Variants in SYT16 observed in about 807,000 individuals in gnomAD.
SYT16 encodes the protein synaptotagmin 16.
A neutral mutation model predicts 61.4 loss-of-function variants in SYT16; 42 were observed. The ratio of observed to expected loss-of-function variants is 0.68; its 90% CI spans 0.53 to 0.89. The LOEUF is 0.89. Among genes scored for constraint, SYT16 ranks in the 40% least tolerant of loss-of-function variants. The pLI is 0.00. For synonymous variants in SYT16, 314 were observed against 302.3 expected (o/e 1.04, Z -0.40); for missense variants, 804 against 807.3 (o/e 1.00, Z 0.05).
At chr14:61,863,618 A>T (rs556658623) in intron 1 of SYT16, among the ~76,000 whole-genome samples, 1 of 152,258 alleles carries the variant, frequency 6.6e-6, no homozygotes, top group Non-Finnish European at 1.5e-5. Context: ...TAATTTTAAT[A>T]AAGTCCAACT....
In SYT16 at chr14:62,103,387, G is replaced by A. The variant is rs2057456859; in HGVS notation, c.*2680G>A. On this transcript the variant is annotated 3_prime_UTR_variant, in exon 8 of 8. Coordinates refer to ENST00000683842, the MANE Select transcript of SYT16 (RefSeq NM_001367656.1). ...GAAGCAGCACTGGTTTTTGTTGCTT[G>A]AGTAGGTCTTTCAGCGATTTTGCCT... The A allele has an allele frequency of 6.6e-6, 1 of 152,208 alleles. No individual in the cohort carries two copies. Among genetic ancestry groups the A allele is most frequent in the African/African-American group, 2.4e-5 (1 of 41,452 alleles). The allele number at this position is 152,208 out of a possible 1,614,324, so 9.4% of individuals were successfully genotyped here.
intron 3 of SYT16, among the ~76,000 whole-genome samples, chr14:62,037,532 A>G (rs1334553312): frequency 6.6e-5 from 10 of 152,184 alleles, no homozygotes; most frequent in African/African-American, 2.4e-4. Context: ...TAAAACTGGA[A>G]TGTTTTTCTT....
At chr14:61,867,050 G>A (rs1047613566) in intron 1 of SYT16, among the ~76,000 whole-genome samples, 3 of 151,694 alleles carry the variant, frequency 2.0e-5, no homozygotes, top group Non-Finnish European at 2.9e-5. Context: ...TTCCTGAAAA[G>A]TATTTATATA....
At position 62,052,871 on chromosome 14, in the gene SYT16, C is replaced by T. The variant is rs76988285; in HGVS notation, c.524-16732C>T. On this transcript the variant is annotated intron_variant, in intron 3 of 7. Coordinates refer to ENST00000683842, the MANE Select transcript of SYT16 (RefSeq NM_001367656.1). Reference sequence around the variant, plus strand: ...CATCCCGATTTCAGATTTCTAGCCTCAAGAACTATAAGAAATAAATGTCTG... The same window carrying T: ...CATCCCGATTTCAGATTTCTAGCCTTAAGAACTATAAGAAATAAATGTCTG... 4.4e-3 allele frequency among the ~76,000 whole-genome samples: 677 copies of T among 152,338 alleles called. 5 individuals carry two copies. Among genetic ancestry groups the T allele is most frequent in the African/African-American group, 0.015 (638 of 41,568 alleles).
At chr14:62,041,106 G>T (rs914296862) in intron 3 of SYT16, among the ~76,000 whole-genome samples, 15 of 152,180 alleles carry the variant, frequency 9.9e-5, no homozygotes, top group African/African-American at 3.6e-4. Context: ...GAAAGATGTA[G>T]TCTGGGAGGC....
intron 4 of SYT16, among the ~76,000 whole-genome samples, chr14:62,072,650 C>T (rs2056341949): frequency 6.6e-6 from 1 of 152,162 alleles, no homozygotes; most frequent in Non-Finnish European, 1.5e-5. Context: ...AGGCTTTAAT[C>T]ACATCTATAA....
chr14:61,976,853 A>C (rs1364303689), intron 2 of SYT16, among the ~76,000 whole-genome samples: 1 of 152,020 alleles, frequency 6.6e-6, no homozygotes, highest in African/African-American at 2.4e-5. Context: ...AGCCAGCTTG[A>C]ATTTCTGCCC....
intron 3 of SYT16, among the ~76,000 whole-genome samples, chr14:62,032,276 T>C (rs2054336473): frequency 6.6e-6 from 1 of 152,156 alleles, no homozygotes; most frequent in Non-Finnish European, 1.5e-5. Context: ...TGTAGGATGC[T>C]ATTAAGGTAA....
chr14:62,032,450 A>G (rs1745882496), intron 3 of SYT16, among the ~76,000 whole-genome samples: 1 of 152,124 alleles, frequency 6.6e-6, no homozygotes, highest in African/African-American at 2.4e-5. Flanking sequence ...AAGCAGTGGC[A>G]ATTTTGAATC....
intron 2 of SYT16, among the ~76,000 whole-genome samples, chr14:61,982,135 G>C (rs1318111428): frequency 2.0e-5 from 3 of 152,108 alleles, no homozygotes; most frequent in Non-Finnish European, 2.9e-5. Flanking sequence ...TTCTATGTTT[G>C]AAATAGTCAT....
chr14:62,055,469 AC>A (rs1244407957), intron 3 of SYT16, among the ~76,000 whole-genome samples: 1 of 152,182 alleles, frequency 6.6e-6, no homozygotes, highest in African/African-American at 2.4e-5. Context: ...GAATCTGACT[AC>A]AGATATGAAT....
chr14:61,817,419 C>CAAA (rs58438991), intron 1 of SYT16, among the ~76,000 whole-genome samples: 1 of 82,584 alleles, frequency 1.2e-5, no homozygotes, highest in African/African-American at 4.2e-5. Context: ...ACTCCATCTC[C>CAAA]AAAAAAAAAA....
In SYT16 at chr14:61,995,535, C is replaced by CT. The variant is rs1310266179; in HGVS notation, c.-144-335dup. Among the ~76,000 whole-genome samples the CT allele has an allele frequency of 3.3e-5, 5 of 151,964 alleles. No homozygotes were observed. The South Asian group carries it at 6.2e-4, about 19-fold the overall frequency. On this transcript the variant is annotated intron_variant, in intron 2 of 7. Transcript: ENST00000683842. ...CAGGTTTGTAGATGAAACATCTGACCTTTTTTGCGTTTTGAAATGTCATGC... is the reference window on the plus strand; with the variant it reads ...CAGGTTTGTAGATGAAACATCTGACCTTTTTTTGCGTTTTGAAATGTCATGC...
chr14:61,940,414 C>A (rs1304913838), intron 1 of SYT16, among the ~76,000 whole-genome samples: 2 of 151,858 alleles, frequency 1.3e-5, no homozygotes, highest in East Asian at 1.9e-4. Flanking sequence ...TAAACAACAA[C>A]AAAAAAATCC....
intron 2 of SYT16, among the ~76,000 whole-genome samples, chr14:61,977,766 G>T (rs2051880845): frequency 6.6e-6 from 1 of 151,922 alleles, no homozygotes; most frequent in Admixed American, 6.5e-5. Context: ...AAACATCTGG[G>T]TTGAAAAAAA....
At chr14:61,890,648 A>G (rs977608678) in intron 1 of SYT16, among the ~76,000 whole-genome samples, 2 of 152,164 alleles carry the variant, frequency 1.3e-5, no homozygotes, top group Non-Finnish European at 2.9e-5. Flanking sequence ...TCATTGATAT[A>G]TGAGAAACTG....
intron 6 of SYT16, among the ~76,000 whole-genome samples, chr14:62,082,318 G>A (rs149760410): frequency 7.3e-4 from 111 of 152,220 alleles, no homozygotes; most frequent in African/African-American, 2.5e-3. Flanking sequence ...CAAAATTAAC[G>A]TCTTCAGGCC....
At chr14:62,090,624 T>C (rs1034316307) in intron 7 of SYT16, among the ~76,000 whole-genome samples, 4 of 152,210 alleles carry the variant, frequency 2.6e-5, no homozygotes, top group Non-Finnish European at 4.4e-5. Context: ...CACTAACTTA[T>C]TGAGTGCATA....
At chr14:62,078,980 G>A (rs916902411) in intron 5 of SYT16, among the ~76,000 whole-genome samples, 18 of 152,200 alleles carry the variant, frequency 1.2e-4, no homozygotes, top group African/African-American at 3.6e-4. Flanking sequence ...AGTCTGTAAA[G>A]GATTTGATAT....
Sources: allele counts gnomAD v4.1 joint callset (sites outside exome capture counted in the v4.1 genomes callset), GRCh38; gene constraint gnomAD v4.1.1; transcripts MANE v1.5; gene names NCBI Gene and HGNC (gene_info 2026-07-23, HGNC 2026-07-21).